BNIP5: variants seen among roughly 807,000 people sequenced by gnomAD.
The protein encoded by BNIP5 is protein BNIP5.
BNIP5 carries 61 observed loss-of-function variants against 67.3 expected under a neutral mutation model. That is an observed-to-expected ratio of 0.91 (90% confidence interval 0.74 to 1.12). The LOEUF (loss-of-function observed/expected upper bound fraction) is 1.12. BNIP5 is among the 50% of genes most tolerant of loss of function. The pLI is 0.00. For synonymous variants in BNIP5, 317 were observed against 319.0 expected (o/e 0.99, Z 0.07); for missense variants, 826 against 816.3 (o/e 1.01, Z -0.14).
At chr6:36,328,412 C>T (rs547761652) in intron 3 of BNIP5, among the ~76,000 whole-genome samples, 186 bp downstream of exon 3, 3 of 152,314 alleles carry the variant, frequency 2.0e-5, no homozygotes, top group African/African-American at 4.8e-5. Context: ...AATTCCCCAG[C>T]CTCCCTTCTG....
rs1258692705 is a variant in BNIP5 at position 36,328,600 on chromosome 6, T to C, written c.725A>G (p.Asp242Gly). ...HQQEEELKKP[D>G]QDAIIQMIVE... ...GGTCACTAGAGATTCCGACTCACGG[T>C]CAGGCTTTTTGAGCTCCTCTTCTTG... The change falls in exon 3 of 12, where the codon GAC (aspartate) becomes GGC (glycine). Residue 242 changes from aspartate to glycine, a missense_variant and splice_region_variant. By Grantham distance (94) the Asp-to-Gly change is moderately conservative (BLOSUM62 -1). Coordinates refer to ENST00000437635, the MANE Select transcript of BNIP5 (RefSeq NM_001010903.5). 1 of 1,606,120 alleles carries C rather than the reference T, an allele frequency of 6.2e-7. No homozygotes were observed. Among genetic ancestry groups the C allele is most frequent in the Non-Finnish European group, 8.5e-7 (1 of 1,172,666 alleles).
rs1771502638 is a variant in BNIP5 at position 36,315,805 on chromosome 6, T to C, written c.*1551A>G. The stretch of plus-strand genomic sequence containing the variant: ...TTGCTCAAATAACACGGTACAAAAA[T>C]GAGACTCAGATGCCAGCATCAGGAG... On this transcript the variant is annotated 3_prime_UTR_variant, in exon 12 of 12. Transcript: ENST00000437635. The C allele has an allele frequency of 6.6e-6, 1 of 152,588 alleles. No homozygotes were observed. The highest frequency in any genetic ancestry group is 6.5e-5 in the Admixed American group (1 of 15,272). 9.5% of individuals were successfully genotyped at this position (152,588 alleles called of 1,614,324 possible).
chr6:36,336,254 C>T (rs1772014939), intron 1 of BNIP5, among the ~76,000 whole-genome samples: 1 of 152,162 alleles, frequency 6.6e-6, no homozygotes, highest in African/African-American at 2.4e-5. Context: ...ATAATAACAC[C>T]TCTCATTTAT....
intron 1 of BNIP5, among the ~76,000 whole-genome samples, chr6:36,334,486 G>A (rs1266500988): frequency 6.6e-6 from 1 of 152,102 alleles, no homozygotes; most frequent in East Asian, 1.9e-4. Context: ...GGGTGGCTGT[G>A]ACTGTCCTCA....
At chr6:36,333,877 T>C (rs2127372358) in intron 1 of BNIP5, among the ~76,000 whole-genome samples, 1 of 152,308 alleles carries the variant, frequency 6.6e-6, no homozygotes, top group South Asian at 2.1e-4. Context: ...GAAAATTGGA[T>C]GGGGTTGTCA....
chr6:36,335,195 G>A (rs960185625), intron 1 of BNIP5, among the ~76,000 whole-genome samples: 3 of 152,138 alleles, frequency 2.0e-5, no homozygotes, highest in African/African-American at 7.2e-5. Flanking sequence ...TAAGTTGCAC[G>A]GTGACCTCAT....
Position 36,330,158 on chromosome 6 carries a change from CT to C in BNIP5, c.532del (p.Arg178GlufsTer72), listed in dbSNP as rs764357968. On this transcript the variant is annotated frameshift_variant, in exon 2 of 12. Coordinates refer to ENST00000437635, the MANE Select transcript of BNIP5 (RefSeq NM_001010903.5). LOFTEE classifies it high-confidence loss of function. ...CTTGGACAACCCTTCCTCTCGGCCT[CT>C]GGCCTCCTGGTCTTGAGCTGCCTTA... is the stretch of plus-strand genomic sequence containing the variant. ...VTKAAQDQEA[R>X]GREEGLSKAA... 2 of 1,613,868 alleles carry C rather than the reference CT, an allele frequency of 1.2e-6. No homozygotes were observed. The highest frequency in any genetic ancestry group is 3.3e-5 in the Admixed American group (2 of 60,012).
At chr6:36,327,971 C>G (rs1554141894) in intron 3 of BNIP5, among the ~76,000 whole-genome samples, 1 of 152,080 alleles carries the variant, frequency 6.6e-6, no homozygotes, top group Non-Finnish European at 1.5e-5. Flanking sequence ...CTCAATGCCT[C>G]TTAGTTATTC....
chr6:36,335,746 G>A (rs1239965464), intron 1 of BNIP5, among the ~76,000 whole-genome samples: 1 of 152,196 alleles, frequency 6.6e-6, no homozygotes, highest in Non-Finnish European at 1.5e-5. Context: ...TAACAGTGGG[G>A]CACTGAGGCT....
Position 36,330,438 on chromosome 6 carries a change from G to A in BNIP5, c.253C>T (p.Leu85Phe). ...TGCGAAGGCCTCTGCTCGCTGGGGAGAAAATCTCCGGTCTCCTCGGGAGTG... is the reference window on the plus strand; with the variant it reads ...TGCGAAGGCCTCTGCTCGCTGGGGAAAAAATCTCCGGTCTCCTCGGGAGTG... ...APTPEETGDF[L>F]PSEQRPSQDT... Residue 85 changes from leucine (L) to phenylalanine (F), a missense_variant, in exon 2 of 12, where the codon CTC (leucine) becomes TTC (phenylalanine). Coordinates refer to ENST00000437635, the MANE Select transcript of BNIP5 (RefSeq NM_001010903.5). The A allele has an allele frequency of 6.2e-7, 1 of 1,614,190 alleles. No homozygotes were observed.
rs1415874091 is a variant in BNIP5 at position 36,316,747 on chromosome 6, A to G, written c.*609T>C. On this transcript the variant is annotated 3_prime_UTR_variant, in exon 12 of 12. Coordinates refer to ENST00000437635, the MANE Select transcript of BNIP5 (RefSeq NM_001010903.5). The stretch of plus-strand genomic sequence containing the variant: ...ATCAGCTCCATTTCTCTAGTCATAG[A>G]ATGACAGGACACAGGGTTAGAAGGA... 3 of 398,798 alleles carry G rather than the reference A, an allele frequency of 7.5e-6. No individual in the cohort carries two copies. Among genetic ancestry groups the G allele is most frequent in the Non-Finnish European group, 1.3e-5 (3 of 226,222 alleles). 24.7% of individuals were successfully genotyped at this position (398,798 alleles called of 1,614,324 possible).
At chr6:36,324,326 G>C in intron 6 of BNIP5, 136 bp from the exon 7 acceptor site, 1 of 739,080 alleles carries the variant, frequency 1.4e-6, no homozygotes, top group African/African-American at 1.7e-5. Flanking sequence ...GGTGGCCTGA[G>C]GGCAGAGCTG....
At chr6:36,332,350 C>T (rs1771926995) in intron 1 of BNIP5, among the ~76,000 whole-genome samples, 1 of 152,110 alleles carries the variant, frequency 6.6e-6, no homozygotes, top group Non-Finnish European at 1.5e-5. Context: ...TGCCTATTGC[C>T]CATCAGCACA....
At chr6:36,319,220 G>T in intron 11 of BNIP5, 136 bp downstream of exon 11, 1 of 938,274 alleles carries the variant, frequency 1.1e-6, no homozygotes, top group Non-Finnish European at 1.6e-6. Flanking sequence ...GTGAGGAGGT[G>T]ACATTTGAGA....
chr6:36,324,580 TA>T (rs1771717700), intron 6 of BNIP5, among the ~76,000 whole-genome samples: 1 of 1,794 alleles, frequency 5.6e-4, no homozygotes, highest in Non-Finnish European at 1.1e-3. Flanking sequence ...TGATATTATA[TA>T]TATATATATA....
chr6:36,325,142 A>G (rs983213191), intron 6 of BNIP5, 141 bp downstream of exon 6: 13 of 897,018 alleles, frequency 1.4e-5, no homozygotes, highest in Non-Finnish European at 1.9e-5. Flanking sequence ...CTGGGCCCCA[A>G]GCTGCCTCCC....
At position 36,319,412 on chromosome 6, in the gene BNIP5, T is replaced by C. The variant is rs563112205; in HGVS notation, c.1867A>G (p.Met623Val). 1 of 1,614,112 alleles carries C rather than the reference T, an allele frequency of 6.2e-7. No homozygotes were observed. The highest frequency in any genetic ancestry group is 8.5e-7 in the Non-Finnish European group (1 of 1,179,964). ...CAATTGTAGTGGTCTCTTAGGCCCA[T>C]GAGGATGCACATGGCATGGCTGTTG... ...GSNSHAMCIL[M>V]GLRDHYNCTQ... Residue 623 changes from methionine to valine, a missense_variant, in exon 11 of 12, where the codon ATG becomes GTG. Physicochemically the swap from Met to Val is conservative, Grantham distance 21 (BLOSUM62 1). Coordinates refer to ENST00000437635, the MANE Select transcript of BNIP5 (RefSeq NM_001010903.5).
intron 1 of BNIP5, among the ~76,000 whole-genome samples, chr6:36,331,167 A>G (rs984832242): frequency 1.3e-5 from 2 of 152,092 alleles, no homozygotes; most frequent in African/African-American, 4.8e-5. Context: ...AGTGTCAACA[A>G]TTTCTCAAAG....
At chr6:36,324,575 TTATATATATATATATATATATA>T (rs58409463) in intron 6 of BNIP5, among the ~76,000 whole-genome samples, 39 of 50,818 alleles carry the variant, frequency 7.7e-4, no homozygotes, top group African/African-American at 1.2e-3. Context: ...GACGGTGATA[TTATATATATATATATATATATA>T]TATATATATA....
Sources: gnomAD v4.1 joint callset for allele counts (sites outside exome capture counted in the v4.1 genomes callset) on GRCh38, gnomAD v4.1.1 for gene constraint, MANE v1.5 for transcripts, NCBI Gene and HGNC (gene_info 2026-07-23, HGNC 2026-07-21) for gene names.